The following USP10 variants were observed in gnomAD, a reference collection of about 807,000 sequenced individuals.
USP10 encodes ubiquitin specific peptidase 10.
A neutral mutation model predicts 84.5 loss-of-function variants in USP10; 22 were observed. That is an observed-to-expected ratio of 0.26 (90% CI 0.19 to 0.37). USP10 has a LOEUF of 0.37. Ranked by LOEUF, USP10 falls within the 10% of genes least tolerant of loss-of-function variation. The pLI is 1.00. For synonymous variants in USP10, 454 were observed against 387.6 expected (o/e 1.17, Z -2.01); for missense variants, 1,019 against 998.9 (o/e 1.02, Z -0.27).
chr16:84,775,858 T>C (rs1426598791), intron 13 of USP10, among the ~76,000 whole-genome samples: 2 of 150,360 alleles, frequency 1.3e-5, no homozygotes, highest in East Asian at 2.0e-4. Context: ...CTGCCTTCCC[T>C]TTTATCCTTC....
intron 3 of USP10, among the ~76,000 whole-genome samples, chr16:84,743,439 T>A (rs57822650): frequency 9.0e-4 from 137 of 152,280 alleles, no homozygotes; most frequent in African/African-American, 3.2e-3. Flanking sequence ...AGCGTCTGTA[T>A]TTTTTCTTCT....
At chr16:84,755,568 C>T (rs949115256) in intron 4 of USP10, among the ~76,000 whole-genome samples, 4 of 152,018 alleles carry the variant, frequency 2.6e-5, no homozygotes, top group Non-Finnish European at 5.9e-5. Context: ...CCCAGGAGGT[C>T]GAGGCTGCAG....
chr16:84,730,739 A>G (rs1909106455), intron 1 of USP10, among the ~76,000 whole-genome samples: 1 of 152,204 alleles, frequency 6.6e-6, no homozygotes, highest in Non-Finnish European at 1.5e-5. Context: ...GACCAGCTCT[A>G]AAAACTTTAG....
intron 2 of USP10, 64 bp downstream of exon 2, chr16:84,733,567 T>A: frequency 8.2e-7 from 1 of 1,224,360 alleles, no homozygotes; most frequent in East Asian, 2.5e-5. Context: ...TGTTTCTATT[T>A]TAATTTGTTT....
Position 84,760,281 on chromosome 16 carries a change from A to C in USP10, c.1554+6A>C, listed in dbSNP as rs775219012. The stretch of plus-strand genomic sequence containing the variant: ...AGTCAAGCCTGTCTGAAAAGGTTTG[A>C]GACTTCTCTGTTGTCACTAGTATCA... On this transcript the variant is annotated splice_donor_region_variant and intron_variant, in intron 8 of 13. Transcript: ENST00000219473. The C allele has an allele frequency of 2.5e-6, 4 of 1,594,740 alleles. No homozygotes were observed. The East Asian group carries it at 6.7e-5, about 27-fold the overall frequency.
At chr16:84,774,963 A>G (rs1914845642) in intron 12 of USP10, among the ~76,000 whole-genome samples, 197 bp from the exon 13 acceptor site, 1 of 152,122 alleles carries the variant, frequency 6.6e-6, no homozygotes, top group African/African-American at 2.4e-5. Flanking sequence ...CTGGCTGCAC[A>G]TTTTGTGTCC....
intron 12 of USP10, among the ~76,000 whole-genome samples, chr16:84,773,067 T>A (rs1359722992): frequency 6.6e-6 from 1 of 152,132 alleles, no homozygotes; most frequent in African/African-American, 2.4e-5. Flanking sequence ...TGATTTCTCA[T>A]AGGCAGTGAG....
intron 4 of USP10, among the ~76,000 whole-genome samples, chr16:84,749,633 C>G (rs1195910500): frequency 6.6e-6 from 1 of 151,492 alleles, no homozygotes; most frequent in Non-Finnish European, 1.5e-5. Flanking sequence ...TATTTTTTAT[C>G]TCAAGTTTGT....
chr16:84,714,047 C>T (rs531428508), intron 1 of USP10, among the ~76,000 whole-genome samples: 2 of 152,254 alleles, frequency 1.3e-5, no homozygotes, highest in East Asian at 1.9e-4. Context: ...TTCCTGGGCA[C>T]CAGAATAGTA....
intron 1 of USP10, among the ~76,000 whole-genome samples, chr16:84,731,543 CAGAA>C (rs147085878): frequency 0.018 from 2,720 of 152,160 alleles, 81 homozygotes; most frequent in African/African-American, 0.062. Flanking sequence ...GTGTATGTGA[CAGAA>C]AGTGTTCTTT....
chr16:84,747,052 G>A (rs938538206), intron 4 of USP10, among the ~76,000 whole-genome samples: 2 of 152,228 alleles, frequency 1.3e-5, no homozygotes, highest in Non-Finnish European at 2.9e-5. Flanking sequence ...GCGGCAGGAC[G>A]TTTCAGTTCC....
chr16:84,727,038 T>A (rs1908581938), intron 1 of USP10, among the ~76,000 whole-genome samples: 1 of 152,156 alleles, frequency 6.6e-6, no homozygotes. Context: ...AGTGTCACAG[T>A]TTCTGTGGTG....
At chr16:84,709,685 AAAG>A (rs1180303317) in intron 1 of USP10, among the ~76,000 whole-genome samples, 1 of 152,100 alleles carries the variant, frequency 6.6e-6, no homozygotes, top group Non-Finnish European at 1.5e-5. Flanking sequence ...GTGTTTCAAA[AAAG>A]GAGGAGAGTG....
At chr16:84,740,957 A>C (rs1411191679) in intron 3 of USP10, among the ~76,000 whole-genome samples, 1 of 152,268 alleles carries the variant, frequency 6.6e-6, no homozygotes, top group African/African-American at 2.4e-5. Context: ...CAGCGTTGGA[A>C]TACCAACAAG....
chr16:84,776,712 C>T (rs1915057986), intron 13 of USP10, among the ~76,000 whole-genome samples: 2 of 152,202 alleles, frequency 1.3e-5, no homozygotes, highest in South Asian at 4.1e-4. Flanking sequence ...CTGGTCAGGG[C>T]CCCAGTGTGA....
chr16:84,763,195 C>A, intron 9 of USP10, 107 bp downstream of exon 9: 1 of 595,720 alleles, frequency 1.7e-6, no homozygotes, highest in Non-Finnish European at 3.0e-6. Flanking sequence ...GTTTTCCTTT[C>A]AAATAGCATT....
At chr16:84,700,148 C>T in intron 1 of USP10, 37 bp downstream of exon 1, 1 of 1,259,874 alleles carries the variant, frequency 7.9e-7, no homozygotes, top group Non-Finnish European at 1.0e-6. Context: ...GGAAGGGGCC[C>T]GAGCCCCGGG....
chr16:84,731,690 AT>A (rs1909257393), intron 1 of USP10, among the ~76,000 whole-genome samples: 1 of 152,150 alleles, frequency 6.6e-6, no homozygotes, highest in Admixed American at 6.5e-5. Context: ...TGATTTTGCT[AT>A]TAAGACGTTC....
chr16:84,709,483 G>A (rs13336964), intron 1 of USP10, among the ~76,000 whole-genome samples: 190 of 152,244 alleles, frequency 1.2e-3, no homozygotes, highest in African/African-American at 4.2e-3. Context: ...GGAAGAGGGG[G>A]TGGTACAACA....
Sources: allele counts gnomAD v4.1 joint callset (sites outside exome capture counted in the v4.1 genomes callset), GRCh38; gene constraint gnomAD v4.1.1; transcripts MANE v1.5; gene names NCBI Gene and HGNC (gene_info 2026-07-23, HGNC 2026-07-21).